The following PIWIL3 variants were observed in gnomAD, a reference collection of about 807,000 sequenced individuals.
The protein encoded by PIWIL3 is piwi like RNA-mediated gene silencing 3, also known as piwi-like protein 3.
PIWIL3 carries 101 observed loss-of-function variants against 109.7 expected under a neutral mutation model. The observed-to-expected ratio is 0.92, with a 90% CI of 0.78 to 1.09. The LOEUF (loss-of-function observed/expected upper bound fraction) is 1.09. PIWIL3 is among the 50% of genes least tolerant of loss of function. The pLI is 0.00. For synonymous variants in PIWIL3, 373 were observed against 376.4 expected, an observed-to-expected ratio of 0.99 and a Z score of 0.10; for missense variants, 1,031 against 1,072.6, an observed-to-expected ratio of 0.96 and a Z score of 0.54.
At position 24,755,470 on chromosome 22, in the gene PIWIL3, G is replaced by A. The variant is rs73391135; in HGVS notation, c.692+314C>T. Among the ~76,000 whole-genome samples, 719 of 152,294 alleles carry A rather than the reference G, an allele frequency of 4.7e-3. 6 individuals are homozygous for A. Among genetic ancestry groups the A allele is most frequent in the African/African-American group, 0.017 (687 of 41,574 alleles). ...TAACTTTCAATATTTTGTCATTGTA[G>A]TGACCACAGAATAAAAAATGCATTT... On this transcript the variant is annotated intron_variant, in intron 6 of 20. Transcript: ENST00000616349.
intron 12 of PIWIL3, among the ~76,000 whole-genome samples, chr22:24,743,635 G>C (rs192792524): frequency 6.6e-6 from 1 of 152,214 alleles, no homozygotes; most frequent in African/African-American, 2.4e-5. Context: ...ATGCAAAGGC[G>C]TAAGAATGAT....
At chr22:24,767,111 A>C (rs1487070478) in intron 1 of PIWIL3, among the ~76,000 whole-genome samples, 3 of 152,074 alleles carry the variant, frequency 2.0e-5, no homozygotes, top group Non-Finnish European at 4.4e-5. Flanking sequence ...ACTGCACTCC[A>C]GCCCGGGTGA....
intron 12 of PIWIL3, among the ~76,000 whole-genome samples, chr22:24,748,171 C>T (rs928321875): frequency 2.0e-5 from 3 of 152,200 alleles, no homozygotes; most frequent in Admixed American, 6.5e-5. Flanking sequence ...ATGAAATTAG[C>T]CAGGCACAGA....
Position 24,749,835 on chromosome 22 carries a change from G to C in PIWIL3, c.1090-16C>G. On this transcript the variant is annotated splice_polypyrimidine_tract_variant and intron_variant, in intron 9 of 20. Coordinates refer to ENST00000616349, the MANE Select transcript of PIWIL3 (RefSeq NM_001255975.1). ...CTTTATGTTGCTGCTCAACAAACAA[G>C]AGACCAGCATGACCATCAGTGAAAC... 6.2e-7 allele frequency: 1 copy of C among 1,614,024 alleles called. No individual in the cohort carries two copies. The highest frequency in any genetic ancestry group is 8.5e-7 in the Non-Finnish European group (1 of 1,179,996).
In PIWIL3 at chr22:24,735,791, G is replaced by A. The variant is rs767475012; in HGVS notation, c.1551C>T (p.Ser517=). The change falls in exon 13 of 21, where the codon AGC becomes AGT. Residue 517 remains serine, a synonymous_variant. Coordinates refer to ENST00000616349, the MANE Select transcript of PIWIL3 (RefSeq NM_001255975.1). ...TTAAGGACATGGCTTCTCTGTGACT[G>A]CTCCTGCTATAGAGTATGAGCCAAC... ...LHSWLILYSR[S]SHREAMSLKG... 1.2e-6 allele frequency: 2 copies of A among 1,613,950 alleles called. No individual in the cohort carries two copies. The highest frequency in any genetic ancestry group is 1.7e-6 in the Non-Finnish European group (2 of 1,179,846).
chr22:24,741,181 C>T (rs1272444438), intron 12 of PIWIL3, among the ~76,000 whole-genome samples: 1 of 152,106 alleles, frequency 6.6e-6, no homozygotes, highest in African/African-American at 2.4e-5. Context: ...TCAATAGATG[C>T]AGAAAAAGCA....
At chr22:24,730,161 T>A (rs1923254164) in intron 14 of PIWIL3, among the ~76,000 whole-genome samples, 1 of 152,004 alleles carries the variant, frequency 6.6e-6, no homozygotes, top group Non-Finnish European at 1.5e-5. Context: ...GGTCAGGAGT[T>A]CGAGACCAGC....
Position 24,759,956 on chromosome 22 carries a change from G to C in PIWIL3, c.136C>G (p.Arg46Gly), listed in dbSNP as rs768904146. ...ACTGGGACTTCCTCCTGCAGCGGCC[G>C]GGGTGTCGACTGCAACTGAGGGGGC... The part of the protein sequence containing the change: ...QEPPQLQSTP[R>G]PLQEEVPVVR... Residue 46 changes from arginine to glycine, a missense_variant, in exon 3 of 21, where the codon CGG becomes GGG. Transcript: ENST00000616349. 2 of 1,613,976 alleles carry C rather than the reference G, an allele frequency of 1.2e-6. No individual in the cohort carries two copies. The highest frequency in any genetic ancestry group is 3.3e-5 in the Admixed American group (2 of 59,984).
intron 1 of PIWIL3, among the ~76,000 whole-genome samples, chr22:24,767,290 C>T (rs1925849663): frequency 6.6e-6 from 1 of 152,046 alleles, no homozygotes; most frequent in African/African-American, 2.4e-5. Context: ...AATCCCAGCA[C>T]TTTGGGAGGC....
chr22:24,730,363 CAAA>C (rs59306341), intron 14 of PIWIL3, among the ~76,000 whole-genome samples: 3 of 93,498 alleles, frequency 3.2e-5, no homozygotes, highest in Admixed American at 1.3e-4. Context: ...GACTCAGTCT[CAAA>C]AAAAAAAAAA....
chr22:24,756,217 G>T (rs967683091), intron 5 of PIWIL3, among the ~76,000 whole-genome samples: 6 of 148,322 alleles, frequency 4.0e-5, no homozygotes, highest in Admixed American at 3.5e-4. Context: ...AAGTTTCAAA[G>T]GAAACAAATA....
rs1367568120 is a variant in PIWIL3 at position 24,731,888 on chromosome 22, CG to C, written c.1707+2195del. ...AGCAGCCCGGCCCCTCAGTTTGCTC[CG>C]GGAACACTTTCATTTCCTCTATTTC... On this transcript the variant is annotated intron_variant, in intron 14 of 20. Coordinates refer to ENST00000616349, the MANE Select transcript of PIWIL3 (RefSeq NM_001255975.1). Among the ~76,000 whole-genome samples, 6 of 152,228 alleles carry C rather than the reference CG, an allele frequency of 3.9e-5. No homozygotes were observed. The East Asian group carries it at 1.2e-3, about 29-fold the overall frequency.
intron 12 of PIWIL3, among the ~76,000 whole-genome samples, chr22:24,746,180 A>C (rs1924356369): frequency 6.6e-6 from 1 of 152,238 alleles, no homozygotes; most frequent in Admixed American, 6.5e-5. Context: ...TGATATAAAA[A>C]ATCCTCAACA....
chr22:24,734,866 AG>A (rs1182610831), intron 13 of PIWIL3, among the ~76,000 whole-genome samples: 1 of 147,898 alleles, frequency 6.8e-6, no homozygotes, highest in Non-Finnish European at 1.5e-5. Flanking sequence ...AACAACGTTT[AG>A]GTTCAGGGGT....
intron 1 of PIWIL3, among the ~76,000 whole-genome samples, chr22:24,766,512 C>T (rs1220046367): frequency 2.0e-5 from 3 of 151,648 alleles, no homozygotes; most frequent in East Asian, 1.9e-4. Context: ...TTAGTAGAGA[C>T]GGGGTTTCGC....
intron 12 of PIWIL3, among the ~76,000 whole-genome samples, chr22:24,746,634 C>A (rs1437527593): frequency 3.0e-4 from 43 of 142,822 alleles, no homozygotes; most frequent in African/African-American, 3.8e-4. Flanking sequence ...CTAACGACTC[C>A]AAAAAAAAAA....
chr22:24,755,669 A>C (rs1924981731), intron 6 of PIWIL3, 115 bp downstream of exon 6: 1 of 1,345,392 alleles, frequency 7.4e-7, no homozygotes, highest in Non-Finnish European at 1.0e-6. Context: ...TCACTCTCTT[A>C]ATACATGAGG....
intron 1 of PIWIL3, among the ~76,000 whole-genome samples, chr22:24,767,686 A>G (rs903808044): frequency 9.9e-5 from 15 of 152,202 alleles, no homozygotes; most frequent in African/African-American, 3.6e-4. Context: ...AAGGAACAGG[A>G]GAAGTATTTG....
chr22:24,754,750 C>T (rs1305521061), intron 7 of PIWIL3, 34 bp downstream of exon 7: 1 of 1,501,886 alleles, frequency 6.7e-7, no homozygotes, highest in Non-Finnish European at 9.3e-7. Flanking sequence ...ACGTTTAAGT[C>T]TGCAGAGTGT....
Sources: gnomAD v4.1 joint callset for allele counts (sites outside exome capture counted in the v4.1 genomes callset) on GRCh38, gnomAD v4.1.1 for gene constraint, MANE v1.5 for transcripts, NCBI Gene and HGNC (gene_info 2026-07-23, HGNC 2026-07-21) for gene names.